The following NTRK3 variants were observed in gnomAD, a reference collection of about 807,000 sequenced individuals.
The protein encoded by NTRK3 is NT-3 growth factor receptor.
NTRK3 carries 24 observed loss-of-function variants against 91.7 expected under a neutral mutation model. The ratio of observed to expected loss-of-function variants is 0.26; its 90% CI spans 0.19 to 0.37. NTRK3 has a LOEUF of 0.37. Ranked by LOEUF, NTRK3 falls within the 10% of genes least tolerant of loss-of-function variation. The pLI is 1.00. For synonymous variants in NTRK3, 483 were observed against 404.0 expected (o/e 1.20, Z -2.34); for missense variants, 880 against 1,068.9 (o/e 0.82, Z 2.46).
At chr15:88,026,931 C>T (rs971611196) in intron 14 of NTRK3, among the ~76,000 whole-genome samples, 1 of 152,142 alleles carries the variant, frequency 6.6e-6, no homozygotes, top group Non-Finnish European at 1.5e-5. Flanking sequence ...TGCCAACAGC[C>T]AGACCCAGGT....
intron 14 of NTRK3, among the ~76,000 whole-genome samples, chr15:87,990,147 C>T (rs1451081426): frequency 3.3e-5 from 5 of 152,102 alleles, no homozygotes; most frequent in Non-Finnish European, 5.9e-5. Context: ...GCTAGTTGAG[C>T]GGCTTAAGTC....
At chr15:88,109,094 A>G (rs538961447) in intron 13 of NTRK3, among the ~76,000 whole-genome samples, 2 of 152,242 alleles carry the variant, frequency 1.3e-5, no homozygotes, top group Non-Finnish European at 1.5e-5. Flanking sequence ...TTCTCCCCCA[A>G]TCCATGGGGA....
chr15:88,180,846 A>G (rs1241930590), intron 5 of NTRK3, among the ~76,000 whole-genome samples: 3 of 152,226 alleles, frequency 2.0e-5, no homozygotes, highest in Non-Finnish European at 4.4e-5. Context: ...CCCATTTGCC[A>G]GGAGAAAATG....
intron 3 of NTRK3, among the ~76,000 whole-genome samples, chr15:88,254,728 C>T (rs1004859706): frequency 1.3e-5 from 2 of 152,166 alleles, no homozygotes; most frequent in African/African-American, 4.8e-5. Context: ...AAAATGCCTT[C>T]CTCCAGACCT....
chr15:88,079,293 C>T (rs1472033412), intron 13 of NTRK3, among the ~76,000 whole-genome samples: 1 of 152,214 alleles, frequency 6.6e-6, no homozygotes, highest in Non-Finnish European at 1.5e-5. Context: ...AGGCCAGCAG[C>T]TAGCACAGAG....
rs771365010 is a variant in NTRK3 at position 88,103,258 on chromosome 15, C to G, written c.1396+23013G>C. On this transcript the variant is annotated intron_variant, in intron 13 of 18. Coordinates refer to ENST00000394480, the Ensembl canonical transcript of NTRK3. The stretch of plus-strand genomic sequence containing the variant: ...GATTACCTTGATAATATAAATGGGC[C>G]TCATCCAATCACTTGAAGGTCTTAA... Among the ~76,000 whole-genome samples, 192 of 152,192 alleles carry G rather than the reference C, an allele frequency of 1.3e-3. 1 individual carries two copies. Among genetic ancestry groups the G allele is most frequent in the Non-Finnish European group, 2.3e-3 (155 of 68,016 alleles).
Position 88,061,374 on chromosome 15 carries a change from G to C in NTRK3, c.1397-28329C>G, listed in dbSNP as rs541427532. ...CCTCACTCCCGCCACTAAATGAATT[G>C]TCTACTTGACCCCCAGTGGTCAGAA... On this transcript the variant is annotated intron_variant, in intron 13 of 18. Coordinates refer to ENST00000394480, the Ensembl canonical transcript of NTRK3. Among the ~76,000 whole-genome samples, 83 of 152,336 alleles carry C rather than the reference G, an allele frequency of 5.4e-4. 1 individual carries two copies. In the South Asian group the frequency reaches 0.011, roughly 19 times the overall value.
chr15:87,935,612 G>A (rs117366427), intron 15 of NTRK3, among the ~76,000 whole-genome samples: 1,544 of 152,296 alleles, frequency 0.01, 13 homozygotes, highest in Non-Finnish European at 0.016. Context: ...GCATGGGTGG[G>A]ATGGGAGAAT....
chr15:88,088,366 A>G (rs2048700641), intron 13 of NTRK3, among the ~76,000 whole-genome samples: 1 of 152,194 alleles, frequency 6.6e-6, no homozygotes, highest in Non-Finnish European at 1.5e-5. Context: ...GAGGCATGAG[A>G]TGTTTTTGCT....
intron 14 of NTRK3, among the ~76,000 whole-genome samples, chr15:87,999,104 CA>C (rs2075918959): frequency 6.6e-6 from 1 of 152,164 alleles, no homozygotes; most frequent in Admixed American, 6.5e-5. Context: ...CATGCCAACC[CA>C]CCTACTTTAT....
In NTRK3 at chr15:88,233,327, G is replaced by A. The variant is rs1230395400; in HGVS notation, c.248+22579C>T. On this transcript the variant is annotated intron_variant, in intron 3 of 18. Coordinates refer to ENST00000394480, the Ensembl canonical transcript of NTRK3. This position sits in a 1 kb window ranked among gnomAD's most constrained non-coding sequence, Gnocchi z 4.2. ...TGTGAAACACCTCTGGCTTCACACAGTTCCACCTGCAGTGGTGGCTGGGGG... is the reference window on the plus strand; with the variant it reads ...TGTGAAACACCTCTGGCTTCACACAATTCCACCTGCAGTGGTGGCTGGGGG... Among the ~76,000 whole-genome samples, 1 of 152,134 alleles carries A rather than the reference G, an allele frequency of 6.6e-6. No individual in the cohort carries two copies. The highest frequency in any genetic ancestry group is 2.4e-5 in the African/African-American group (1 of 41,424).
chr15:88,240,260 T>C lies in NTRK3; in HGVS notation c.248+15646A>G, dbSNP rs1316391104. ...GGAAGGGATCTCAAAGATCACCTAG[T>C]CCAGCCCCCTGATTTTAAATATAAG... On this transcript the variant is annotated intron_variant, in intron 3 of 18. Coordinates refer to ENST00000394480, the Ensembl canonical transcript of NTRK3. The surrounding 1 kb of genome is among the most constrained non-coding windows in gnomAD (Gnocchi z 4.9). Among the ~76,000 whole-genome samples, 3 of 151,994 alleles carry C rather than the reference T, an allele frequency of 2.0e-5. No homozygotes were observed. Among genetic ancestry groups the C allele is most frequent in the Non-Finnish European group, 4.4e-5 (3 of 67,992 alleles).
In NTRK3 at chr15:87,908,890, G is replaced by A. The variant is rs563575163; in HGVS notation, c.2133+20301C>T. On this transcript the variant is annotated intron_variant, in intron 17 of 18. Transcript: ENST00000394480. ...GTCTTCCTCTGTGGGACATGAAGAC[G>A]CAATGGGCTTCCCTCCACGAGCTTG... Among the ~76,000 whole-genome samples the A allele has an allele frequency of 3.9e-5, 6 of 151,978 alleles. No individual in the cohort carries two copies. The South Asian group carries it at 1.0e-3, about 26-fold the overall frequency.
chr15:87,907,829 C>T (rs1282220247), intron 17 of NTRK3, among the ~76,000 whole-genome samples: 1 of 152,192 alleles, frequency 6.6e-6, no homozygotes, highest in Non-Finnish European at 1.5e-5. Context: ...TCGACTGACT[C>T]TGCAGTATGT....
intron 17 of NTRK3, among the ~76,000 whole-genome samples, chr15:87,898,788 C>T (rs2066280323): frequency 7.0e-6 from 1 of 143,034 alleles, no homozygotes; most frequent in Admixed American, 7.1e-5. Context: ...GAGTTCAAGA[C>T]CAGCCTGGCC....
chr15:87,959,071 C>T (rs1191240095), intron 14 of NTRK3, among the ~76,000 whole-genome samples: 1 of 151,556 alleles, frequency 6.6e-6, no homozygotes, highest in Non-Finnish European at 1.5e-5. Context: ...CTCAGGGCCA[C>T]CTTAGAGCCA....
chr15:88,066,473 A>G (rs2046660322), intron 13 of NTRK3, among the ~76,000 whole-genome samples: 1 of 152,224 alleles, frequency 6.6e-6, no homozygotes, highest in South Asian at 2.1e-4. Flanking sequence ...TCACACCCAC[A>G]GCTCTCTTCT....
intron 14 of NTRK3, among the ~76,000 whole-genome samples, chr15:87,965,792 A>ATT (rs1468284063): frequency 1.3e-5 from 2 of 152,182 alleles, no homozygotes; most frequent in Non-Finnish European, 2.9e-5. Flanking sequence ...TAAGAACTCC[A>ATT]TTAGGCTGAG....
At chr15:87,932,171 T>C (rs2068857518) in intron 16 of NTRK3, among the ~76,000 whole-genome samples, 1 of 152,210 alleles carries the variant, frequency 6.6e-6, no homozygotes, top group Non-Finnish European at 1.5e-5. Context: ...GGCGTTCCAG[T>C]CTCTTACCAG....
Sources: allele counts gnomAD v4.1 joint callset (sites outside exome capture counted in the v4.1 genomes callset), GRCh38; gene constraint gnomAD v4.1.1; non-coding constraint Gnocchi (gnomAD v3.1); transcripts MANE v1.5; gene names NCBI Gene and HGNC (gene_info 2026-07-23, HGNC 2026-07-21).